Variants in NCAM1 observed in about 807,000 individuals in gnomAD.
NCAM1 encodes antigen recognized by monoclonal antibody 5.1H11.
In NCAM1, 14 loss-of-function variants were observed where a neutral mutation model predicts 109.8. The observed-to-expected ratio is 0.13, with a 90% CI of 0.08 to 0.20. The LOEUF (loss-of-function observed/expected upper bound fraction) is 0.20. Ranked by LOEUF, NCAM1 falls within the 10% of genes least tolerant of loss-of-function variation. The probability of loss-of-function intolerance (pLI) is 1.00; values close to 1 mark genes in which losing one functional copy is unlikely to be tolerated. For missense variants in NCAM1, 774 were observed against 1,109.9 expected (o/e 0.70, Z 4.30); for synonymous variants, 418 against 442.9 (o/e 0.94, Z 0.70).
intron 14 of NCAM1, among the ~76,000 whole-genome samples, chr11:113,244,180 G>A (rs1172397089): frequency 6.6e-6 from 1 of 152,144 alleles, no homozygotes; most frequent in African/African-American, 2.4e-5. Flanking sequence ...GTAGGAGAAA[G>A]CTACATAATG....
intron 1 of NCAM1, among the ~76,000 whole-genome samples, chr11:112,977,985 G>C (rs1555067973): frequency 6.6e-6 from 1 of 152,002 alleles, no homozygotes; most frequent in African/African-American, 2.4e-5. Flanking sequence ...AATTAGTGCA[G>C]TGTTTTGTGG....
intron 14 of NCAM1, among the ~76,000 whole-genome samples, chr11:113,238,756 C>A (rs554576292): frequency 6.6e-6 from 1 of 152,350 alleles, no homozygotes; most frequent in South Asian, 2.1e-4. Flanking sequence ...ACTGACACTG[C>A]ACCCCTGTCC....
chr11:113,189,866 A>C (rs1394044475), intron 1 of NCAM1, among the ~76,000 whole-genome samples: 1 of 106,288 alleles, frequency 9.4e-6, no homozygotes, highest in African/African-American at 3.7e-5. Flanking sequence ...TAAAAACAAA[A>C]CCCAAACAAA....
At chr11:112,995,241 G>T (rs1555071240) in intron 1 of NCAM1, among the ~76,000 whole-genome samples, 1 of 152,128 alleles carries the variant, frequency 6.6e-6, no homozygotes, top group Non-Finnish European at 1.5e-5. Context: ...AAAATAATGA[G>T]ATTTATGGTG....
At chr11:113,017,726 T>A (rs2135198679) in intron 1 of NCAM1, among the ~76,000 whole-genome samples, 1 of 151,140 alleles carries the variant, frequency 6.6e-6, no homozygotes, top group South Asian at 2.1e-4. Context: ...AGCTTTGGAT[T>A]TAAAGGAAGG....
intron 1 of NCAM1, among the ~76,000 whole-genome samples, chr11:113,043,328 TTTTA>T (rs565233000): frequency 6.6e-6 from 1 of 152,024 alleles, no homozygotes; most frequent in Non-Finnish European, 1.5e-5. Flanking sequence ...AATCCTACCT[TTTTA>T]TTTATTTATT....
intron 1 of NCAM1, among the ~76,000 whole-genome samples, chr11:113,075,520 G>A (rs904547169): frequency 2.6e-5 from 4 of 152,116 alleles, no homozygotes; most frequent in African/African-American, 9.7e-5. Context: ...GCTATCTTTG[G>A]AACTCAGCTA....
At chr11:113,251,539 A>G (rs1466655530) in intron 15 of NCAM1, among the ~76,000 whole-genome samples, 1 of 152,144 alleles carries the variant, frequency 6.6e-6, no homozygotes, top group Non-Finnish European at 1.5e-5. Flanking sequence ...GCTAGAAAAT[A>G]CCAGAACTGC....
chr11:113,182,214 A>G (rs1386246648), intron 1 of NCAM1, among the ~76,000 whole-genome samples: 1 of 152,178 alleles, frequency 6.6e-6, no homozygotes, highest in Non-Finnish European at 1.5e-5. Context: ...ATAGAAGAAT[A>G]GTCTGTCTCG....
intron 15 of NCAM1, among the ~76,000 whole-genome samples, chr11:113,250,904 TCTC>T (rs797022872): frequency 2.4e-4 from 37 of 152,348 alleles, no homozygotes; most frequent in African/African-American, 8.7e-4. Flanking sequence ...CTCAAGCAAT[TCTC>T]CTGCCTCAGC....
chr11:113,269,810 C>T (rs782286351), intron 17 of NCAM1: 1 of 291,618 alleles, frequency 3.4e-6, no homozygotes, highest in Non-Finnish European at 6.6e-6. Flanking sequence ...TCAGTGATCA[C>T]TGCCTGCCTG....
At chr11:113,063,135 G>C (rs1350736363) in intron 1 of NCAM1, among the ~76,000 whole-genome samples, 7 of 152,226 alleles carry the variant, frequency 4.6e-5, no homozygotes, top group Non-Finnish European at 8.8e-5. Flanking sequence ...GAAGGCTCTG[G>C]GTTTTACTCT....
chr11:113,196,949 G>C (rs1161558779), intron 1 of NCAM1, among the ~76,000 whole-genome samples: 3 of 152,220 alleles, frequency 2.0e-5, no homozygotes, highest in African/African-American at 7.2e-5. Flanking sequence ...TTGACTCACA[G>C]TTCTGCATGG....
At chr11:113,181,784 G>T (rs532593011) in intron 1 of NCAM1, among the ~76,000 whole-genome samples, 96 of 152,220 alleles carry the variant, frequency 6.3e-4, no homozygotes, top group African/African-American at 2.0e-3. Flanking sequence ...GCAACCAGGG[G>T]TCCTGGTCCC....
intron 1 of NCAM1, among the ~76,000 whole-genome samples, chr11:113,095,315 C>CGTGTGTGTGTGTGTGTGTGTGTGTGT (rs147958488): frequency 1.3e-5 from 2 of 151,158 alleles, no homozygotes; most frequent in Admixed American, 6.6e-5. Flanking sequence ...TAATAGAATG[C>CGTGTGTGTGTGTGTGTGTGTGTGTGT]GTGTGTGTGT....
At chr11:113,057,849 T>G (rs1953767477) in intron 1 of NCAM1, among the ~76,000 whole-genome samples, 1 of 152,246 alleles carries the variant, frequency 6.6e-6, no homozygotes, top group Admixed American at 6.5e-5. Context: ...TGAAGATTGC[T>G]GTTCAGCAGA....
At chr11:113,051,305 C>T (rs1555081756) in intron 1 of NCAM1, among the ~76,000 whole-genome samples, 1 of 152,130 alleles carries the variant, frequency 6.6e-6, no homozygotes, top group African/African-American at 2.4e-5. Flanking sequence ...AAATTCTTTC[C>T]CCTTTTGGTG....
intron 1 of NCAM1, among the ~76,000 whole-genome samples, chr11:113,166,331 G>A (rs1389384587): frequency 6.6e-6 from 1 of 152,156 alleles, no homozygotes; most frequent in Non-Finnish European, 1.5e-5. Context: ...GCAGATGAGG[G>A]ACTCTGAAAA....
intron 1 of NCAM1, among the ~76,000 whole-genome samples, chr11:113,154,364 GC>G (rs1385639767): frequency 1.3e-5 from 2 of 152,208 alleles, no homozygotes; most frequent in African/African-American, 4.8e-5. Context: ...TGAGTCTTGA[GC>G]ATGTCGACAT....
Sources: gnomAD v4.1 joint callset for allele counts (sites outside exome capture counted in the v4.1 genomes callset) on GRCh38, gnomAD v4.1.1 for gene constraint, MANE v1.5 for transcripts, NCBI Gene and HGNC (gene_info 2026-07-23, HGNC 2026-07-21) for gene names.